The following KYAT3 variants were observed in gnomAD, a reference collection of about 807,000 sequenced individuals.
KYAT3 encodes the protein kynurenine aminotransferase 3, also known as kynurenine--oxoglutarate transaminase 3.
Under a neutral mutation model 59.0 loss-of-function variants are expected in KYAT3, and 50 were observed. The observed-to-expected ratio is 0.85, with a 90% CI of 0.68 to 1.07. The LOEUF is 1.07. Among genes scored for constraint, KYAT3 ranks in the 50% least tolerant of loss-of-function variants. The pLI, the probability that KYAT3 is intolerant of heterozygous loss-of-function variation, is 0.00. For synonymous variants in KYAT3, 148 were observed against 177.0 expected (o/e 0.84, Z 1.30); for missense variants, 497 against 533.3 (o/e 0.93, Z 0.67).
chr1:88,986,580 C>T (rs528334314), intron 2 of KYAT3, among the ~76,000 whole-genome samples: 1 of 151,300 alleles, frequency 6.6e-6, no homozygotes, highest in Non-Finnish European at 1.5e-5. Context: ...GTGTTAGCCA[C>T]TGCGCCCCGC....
chr1:88,949,778 A>C (rs1270418706), intron 10 of KYAT3, among the ~76,000 whole-genome samples: 2 of 152,228 alleles, frequency 1.3e-5, no homozygotes, highest in African/African-American at 4.8e-5. Flanking sequence ...GAAGTTGGTC[A>C]AAGTGTAAGA....
chr1:88,954,193 T>C (rs12095318), intron 9 of KYAT3, among the ~76,000 whole-genome samples: 4,941 of 152,222 alleles, frequency 0.032, 239 homozygotes, highest in African/African-American at 0.11. Flanking sequence ...CTACCACGCC[T>C]GGCCGATGCT....
At chr1:88,962,170 C>A in intron 5 of KYAT3, 25 bp from the exon 6 acceptor site, 1 of 1,468,428 alleles carries the variant, frequency 6.8e-7, no homozygotes, top group Non-Finnish European at 9.5e-7. Flanking sequence ...AATAAGATCA[C>A]AACCTGTCAA....
chr1:88,921,400 A>G, the KYAT3 span, among the ~76,000 whole-genome samples: 1 of 152,242 alleles, frequency 6.6e-6, no homozygotes, highest in Non-Finnish European at 1.5e-5. Context: ...CCTTAATAGT[A>G]TAAGTAGTCA....
At chr1:88,991,960 G>C (rs755360742) in intron 1 of KYAT3, among the ~76,000 whole-genome samples, 1 of 150,424 alleles carries the variant, frequency 6.6e-6, no homozygotes, top group Non-Finnish European at 1.5e-5. Context: ...ATAAGGCAAC[G>C]TAACAGCCTT....
At chr1:88,972,608 A>G (rs1265055571) in intron 2 of KYAT3, among the ~76,000 whole-genome samples, 3 of 152,166 alleles carry the variant, frequency 2.0e-5, no homozygotes, top group African/African-American at 7.2e-5. Context: ...CTACATATCC[A>G]CTGAGGTTCA....
chr1:88,961,954 C>T, intron 6 of KYAT3, 105 bp downstream of exon 6: 1 of 794,506 alleles, frequency 1.3e-6, no homozygotes, highest in Non-Finnish European at 2.2e-6. Context: ...CAGGAAATCT[C>T]CAAATGCAAT....
chr1:88,921,065 T>C, the KYAT3 span, among the ~76,000 whole-genome samples: 1 of 152,236 alleles, frequency 6.6e-6, no homozygotes, highest in African/African-American at 2.4e-5. Context: ...GGGGTTTATT[T>C]GTCTCATCCA....
intron 2 of KYAT3, among the ~76,000 whole-genome samples, chr1:88,971,379 A>G (rs1676549511): frequency 6.6e-6 from 1 of 152,016 alleles, no homozygotes; most frequent in African/African-American, 2.4e-5. Context: ...AATTTTTCAA[A>G]TAGTCTATGT....
intron 2 of KYAT3, among the ~76,000 whole-genome samples, chr1:88,975,746 T>C (rs1184149939): frequency 1.3e-5 from 2 of 152,168 alleles, no homozygotes; most frequent in African/African-American, 2.4e-5. Flanking sequence ...TAAGACTATA[T>C]GGAGCAGGCC....
intron 4 of KYAT3, among the ~76,000 whole-genome samples, chr1:88,968,237 G>T (rs1397474695): frequency 2.6e-5 from 4 of 152,186 alleles, no homozygotes; most frequent in Admixed American, 2.0e-4. Flanking sequence ...AGGTACGTCT[G>T]ATCTAGAAAA....
intron 2 of KYAT3, chr1:88,982,346 G>GA (rs1401292072): frequency 1.4e-6 from 1 of 729,736 alleles, no homozygotes. Context: ...CATTTACTGG[G>GA]AAAAACCAGA....
intron 6 of KYAT3, 97 bp from the exon 7 acceptor site, chr1:88,961,603 G>T: frequency 9.2e-7 from 1 of 1,081,566 alleles, no homozygotes. Context: ...ATCAAAGAAA[G>T]TCATGGCAAA....
At chr1:88,969,748 C>G (rs1157450558) in intron 2 of KYAT3, among the ~76,000 whole-genome samples, 1 of 152,008 alleles carries the variant, frequency 6.6e-6, no homozygotes, top group African/African-American at 2.4e-5. Context: ...CTCAAGTGAT[C>G]CTCCTGCCTC....
At chr1:88,968,837 T>C in intron 3 of KYAT3, 23 bp from the exon 4 acceptor site, 1 of 1,532,190 alleles carries the variant, frequency 6.5e-7, no homozygotes. Flanking sequence ...AAAATACTAA[T>C]ATTAATAAGT....
At chr1:88,987,979 T>C (rs996190956) in intron 2 of KYAT3, among the ~76,000 whole-genome samples, 1 of 152,216 alleles carries the variant, frequency 6.6e-6, no homozygotes, top group East Asian at 1.9e-4. Flanking sequence ...TTTTTTCCCA[T>C]GCCACTGGAC....
chr1:88,939,137 ATT>A (rs1238908194), intron 13 of KYAT3, among the ~76,000 whole-genome samples: 1 of 152,036 alleles, frequency 6.6e-6, no homozygotes, highest in Admixed American at 6.6e-5. Flanking sequence ...TTGCAGTTCT[ATT>A]TTTCATTTCC....
chr1:88,937,787 T>C (rs1423633384), intron 13 of KYAT3, among the ~76,000 whole-genome samples: 1 of 152,144 alleles, frequency 6.6e-6, no homozygotes, highest in Non-Finnish European at 1.5e-5. Flanking sequence ...CCGAAGTGCA[T>C]AGCCTGAGTC....
intron 2 of KYAT3, among the ~76,000 whole-genome samples, chr1:88,976,714 C>T (rs1393071335): frequency 4.6e-5 from 7 of 151,988 alleles, no homozygotes; most frequent in Admixed American, 3.9e-4. Flanking sequence ...TGTTATTGTC[C>T]CTGAAGACCT....
Sources: gnomAD v4.1 joint callset for allele counts (sites outside exome capture counted in the v4.1 genomes callset) on GRCh38, gnomAD v4.1.1 for gene constraint, MANE v1.5 for transcripts, NCBI Gene and HGNC (gene_info 2026-07-23, HGNC 2026-07-21) for gene names.